Variants in NALCN observed in about 807,000 individuals in gnomAD.
NALCN encodes sodium leak channel, non-selective, also known as sodium leak channel NALCN.
Under a neutral mutation model 225.3 loss-of-function variants are expected in NALCN, and 111 were observed. The ratio of observed to expected loss-of-function variants is 0.49; its 90% CI spans 0.42 to 0.58. NALCN has a LOEUF of 0.58. Ranked by LOEUF, NALCN falls within the 20% of genes least tolerant of loss-of-function variation. The pLI is 0.00. For synonymous variants in NALCN, 764 were observed against 769.0 expected (o/e 0.99, Z 0.11); for missense variants, 1,378 against 2,202.4 (o/e 0.63, Z 7.49).
intron 41 of NALCN, among the ~76,000 whole-genome samples, chr13:101,061,289 C>G (rs1271060204): frequency 1.3e-5 from 2 of 151,824 alleles, no homozygotes; most frequent in Non-Finnish European, 2.9e-5. Flanking sequence ...TTTTTAGCAG[C>G]AATTTAAAGT....
rs564199388 is a variant in NALCN at position 101,102,301 on chromosome 13, A to T, written c.3057+871T>A. Among the ~76,000 whole-genome samples the T allele has an allele frequency of 1.6e-3, 242 of 152,204 alleles. 1 individual carries two copies. The highest frequency in any genetic ancestry group is 5.7e-3 in the African/African-American group (235 of 41,526). On this transcript the variant is annotated intron_variant, in intron 26 of 43. Transcript: ENST00000251127. Reference sequence around the variant, plus strand: ...CTGTCTCAAAAAAAAAGAAAAAAAAAGTCAGTAATGATATATATACCTCTA... The same window carrying T: ...CTGTCTCAAAAAAAAAGAAAAAAAATGTCAGTAATGATATATATACCTCTA...
At chr13:101,299,330 C>T (rs1219184223) in intron 7 of NALCN, among the ~76,000 whole-genome samples, 2 of 152,162 alleles carry the variant, frequency 1.3e-5, no homozygotes, top group Admixed American at 1.3e-4. Flanking sequence ...AATAAATTAA[C>T]ATATTTTGAA....
intron 7 of NALCN, among the ~76,000 whole-genome samples, chr13:101,313,060 T>C (rs1189319099): frequency 6.6e-6 from 1 of 152,100 alleles, no homozygotes; most frequent in Non-Finnish European, 1.5e-5. Flanking sequence ...TTGACAAACC[T>C]GACAAAAACA....
intron 18 of NALCN, among the ~76,000 whole-genome samples, chr13:101,115,052 G>T (rs2139662914): frequency 6.6e-6 from 1 of 152,242 alleles, no homozygotes; most frequent in East Asian, 1.9e-4. Context: ...TGGAATGAAT[G>T]AACCTTGAAA....
chr13:101,145,007 G>C, intron 15 of NALCN, 111 bp from the exon 16 acceptor site: 1 of 1,222,166 alleles, frequency 8.2e-7, no homozygotes, highest in Non-Finnish European at 1.1e-6. Flanking sequence ...TGAAATGCCA[G>C]TAGATGGCAG....
chr13:101,380,070 G>A (rs915603726), intron 3 of NALCN, among the ~76,000 whole-genome samples: 2 of 132,096 alleles, frequency 1.5e-5, no homozygotes, highest in Non-Finnish European at 3.4e-5. Context: ...TATATATGTG[G>A]ATGTATATAT....
chr13:101,402,931 T>C (rs943489162), intron 1 of NALCN, among the ~76,000 whole-genome samples: 1 of 152,194 alleles, frequency 6.6e-6, no homozygotes, highest in African/African-American at 2.4e-5. Flanking sequence ...CAGTGGATTG[T>C]TTTCTTGCTC....
At chr13:101,397,099 T>TAC (rs1383178831) in intron 2 of NALCN, among the ~76,000 whole-genome samples, 12 of 65,278 alleles carry the variant, frequency 1.8e-4, no homozygotes, top group Admixed American at 8.4e-4. Context: ...TATATATATA[T>TAC]ATATATATAT....
At chr13:101,289,547 TATAC>T (rs60431167) in intron 9 of NALCN, among the ~76,000 whole-genome samples, 35,605 of 144,312 alleles carry the variant, frequency 0.25, 4,692 homozygotes, top group Non-Finnish European at 0.31. Context: ...TATATATATA[TATAC>T]ACATATTTTC....
chr13:101,384,612 A>G (rs2046937421), intron 3 of NALCN, among the ~76,000 whole-genome samples: 1 of 152,182 alleles, frequency 6.6e-6, no homozygotes, highest in Non-Finnish European at 1.5e-5. Context: ...TAAAGGATGC[A>G]TGCTACTTTT....
intron 18 of NALCN, chr13:101,117,110 C>A: frequency 2.6e-6 from 1 of 379,816 alleles, no homozygotes; most frequent in Non-Finnish European, 5.3e-6. Flanking sequence ...ATAGCAACTG[C>A]CAGTTAGTTC....
chr13:101,108,159 GTAAA>G (rs2035243821), intron 20 of NALCN, among the ~76,000 whole-genome samples: 1 of 149,568 alleles, frequency 6.7e-6, no homozygotes, highest in African/African-American at 2.4e-5. Context: ...GTAATTTAAA[GTAAA>G]TGTATATACT....
intron 7 of NALCN, among the ~76,000 whole-genome samples, chr13:101,316,001 A>T (rs1041562443): frequency 6.6e-6 from 1 of 152,042 alleles, no homozygotes; most frequent in South Asian, 2.1e-4. Context: ...CCTTCTTTCC[A>T]TGTTATGCAG....
intron 13 of NALCN, among the ~76,000 whole-genome samples, chr13:101,199,787 T>TA (rs1243551054): frequency 2.0e-5 from 3 of 151,866 alleles, no homozygotes; most frequent in African/African-American, 4.8e-5. Context: ...CCCTAGAACT[T>TA]AGAGTATAAA....
intron 36 of NALCN, 66 bp from the exon 37 acceptor site, chr13:101,073,743 T>C: frequency 7.2e-7 from 1 of 1,384,094 alleles, no homozygotes; most frequent in Non-Finnish European, 1.0e-6. Context: ...AATAGCATGG[T>C]TTGCCAACAC....
chr13:101,323,509 T>A (rs2044830405), intron 7 of NALCN, among the ~76,000 whole-genome samples: 1 of 152,232 alleles, frequency 6.6e-6, no homozygotes, highest in South Asian at 2.1e-4. Flanking sequence ...TCCATCTTCT[T>A]CAAAATTTAT....
At chr13:101,175,069 T>A (rs17621858) in intron 15 of NALCN, among the ~76,000 whole-genome samples, 13,685 of 152,214 alleles carry the variant, frequency 0.09, 731 homozygotes, top group East Asian at 0.22. Context: ...TAAAGGAATG[T>A]CCCAACTCTC....
At chr13:101,068,960 C>T in intron 37 of NALCN, 133 bp from the exon 38 acceptor site, 1 of 897,694 alleles carries the variant, frequency 1.1e-6, no homozygotes, top group Non-Finnish European at 1.6e-6. Context: ...TTTCAAAAGC[C>T]ACATACATTG....
chr13:101,086,115 A>C (rs1162805888), intron 30 of NALCN, among the ~76,000 whole-genome samples: 1 of 152,128 alleles, frequency 6.6e-6, no homozygotes. Flanking sequence ...TTTAAAAAAA[A>C]CCAAAACCCA....
Sources: allele counts gnomAD v4.1 joint callset (sites outside exome capture counted in the v4.1 genomes callset), GRCh38; gene constraint gnomAD v4.1.1; transcripts MANE v1.5; gene names NCBI Gene and HGNC (gene_info 2026-07-23, HGNC 2026-07-21).